The following ITGA3 variants were observed in gnomAD, a reference collection of about 807,000 sequenced individuals.
ITGA3 encodes integrin alpha-3.
In ITGA3, 70 loss-of-function variants were observed where a neutral mutation model predicts 131.1. The observed-to-expected ratio is 0.53, with a 90% CI of 0.44 to 0.65. ITGA3 has a LOEUF of 0.65. Among genes scored for constraint, ITGA3 ranks in the 30% least tolerant of loss-of-function variants. The probability of loss-of-function intolerance (pLI) is 0.00; values close to 1 mark genes in which losing one functional copy is unlikely to be tolerated. For missense variants in ITGA3, 1,098 were observed against 1,388.6 expected, an observed-to-expected ratio of 0.79 and a Z score of 3.33; for synonymous variants, 537 against 571.6, an observed-to-expected ratio of 0.94 and a Z score of 0.86.
intron 7 of ITGA3, among the ~76,000 whole-genome samples, chr17:50,073,267 G>A (rs1908708836): frequency 6.6e-6 from 1 of 152,216 alleles, no homozygotes; most frequent in South Asian, 2.1e-4. Context: ...TTTCAGTGAA[G>A]TTCACTGTAG....
chr17:50,075,575 G>A (rs1908844746), intron 11 of ITGA3, 24 bp from the exon 12 acceptor site: 2 of 1,614,146 alleles, frequency 1.2e-6, no homozygotes, highest in African/African-American at 2.7e-5. Context: ...CTGTCCCCTT[G>A]CTGACCACCC....
intron 7 of ITGA3, among the ~76,000 whole-genome samples, chr17:50,073,118 T>A (rs569704282): frequency 6.6e-6 from 1 of 152,334 alleles, no homozygotes; most frequent in South Asian, 2.1e-4. Flanking sequence ...CAGGCCTTAC[T>A]AACAAGCTTG....
In ITGA3 at chr17:50,079,236, A is replaced by C; in HGVS notation, c.2561A>C (p.Asn854Thr). Residue 854 changes from asparagine to threonine, a missense_variant, in exon 20 of 26, where the codon AAC (asparagine) becomes ACC (threonine). By Grantham distance (65) the Asn-to-Thr change is moderately conservative (BLOSUM62 0). This residue lies in a region of ITGA3 where 699 missense variants were observed against 829.2 expected (regional missense o/e 0.84). Transcript: ENST00000320031. ...WPCRPPGDLINPLNLTLSDPG... is the reference protein window; with the variant it reads ...WPCRPPGDLITPLNLTLSDPG... ...TGCCGACCACCTGGAGACCTTATCA[A>C]CCCTCTCAACCTCACTCTTTCTGTA... 2 of 1,613,810 alleles carry C rather than the reference A, an allele frequency of 1.2e-6. No individual in the cohort carries two copies. Among genetic ancestry groups the C allele is most frequent in the East Asian group, 4.5e-5 (2 of 44,842 alleles).
At chr17:50,085,821 T>G (rs1909367265) in intron 23 of ITGA3, among the ~76,000 whole-genome samples, 1 of 131,464 alleles carries the variant, frequency 7.6e-6, no homozygotes, top group Non-Finnish European at 1.6e-5. Flanking sequence ...AGATTTATAA[T>G]GTATATTAGA....
In ITGA3 at chr17:50,075,501, G is replaced by T. The variant is rs1908840279; in HGVS notation, c.1512G>T (p.Gly504=). The stretch of plus-strand genomic sequence containing the variant: ...GCTTTGCTTACAACCAGAGTGCCGG[G>T]AACCCCAACTACAGGCGAAACATCA... ...ELCFAYNQSA[G]NPNYRRNITL... is the part of the protein sequence containing the mutation. The change falls in exon 11 of 26, where the codon GGG becomes GGT. Residue 504 remains glycine, a synonymous_variant. Transcript: ENST00000320031. 1.2e-6 allele frequency: 2 copies of T among 1,614,124 alleles called. No individual in the cohort carries two copies. The highest frequency in any genetic ancestry group is 1.7e-6 in the Non-Finnish European group (2 of 1,180,058).
At chr17:50,087,161 T>C (rs926779486) in intron 23 of ITGA3, 1 of 152,208 alleles carries the variant, frequency 6.6e-6, no homozygotes, top group African/African-American at 2.4e-5. Context: ...GTGTAGCAGG[T>C]GTTGCTCTAA....
At chr17:50,068,505 TTTG>T (rs1908442094) in intron 4 of ITGA3, among the ~76,000 whole-genome samples, 200 bp downstream of exon 4, 1 of 152,162 alleles carries the variant, frequency 6.6e-6, no homozygotes, top group South Asian at 2.1e-4. Flanking sequence ...ATCAATCTTT[TTTG>T]TTGTTTTTTT....
chr17:50,084,963 A>G (rs1364554638), intron 23 of ITGA3, among the ~76,000 whole-genome samples: 1 of 152,180 alleles, frequency 6.6e-6, no homozygotes, highest in East Asian at 1.9e-4. Flanking sequence ...CTGTAATCCC[A>G]GCACTTTGGG....
chr17:50,082,682 A>G (rs981309510), intron 23 of ITGA3, among the ~76,000 whole-genome samples: 6 of 151,906 alleles, frequency 3.9e-5, no homozygotes, highest in African/African-American at 1.5e-4. Flanking sequence ...AAATACCCAA[A>G]CCCCCTAGGT....
intron 23 of ITGA3, among the ~76,000 whole-genome samples, chr17:50,085,530 G>A (rs577960316): frequency 6.3e-4 from 96 of 151,676 alleles, no homozygotes; most frequent in Non-Finnish European, 7.2e-4. Context: ...TGGTTGTGGT[G>A]GTGGGCACCT....
In ITGA3 at chr17:50,075,673, G is replaced by A. The variant is rs1317442183; in HGVS notation, c.1612G>A (p.Val538Ile). The A allele has an allele frequency of 5.0e-6, 8 of 1,614,208 alleles. No homozygotes were observed. Among genetic ancestry groups the A allele is most frequent in the Non-Finnish European group, 6.8e-6 (8 of 1,180,038 alleles). The stretch of plus-strand genomic sequence containing the variant: ...CCGCTTTGCCGGCAGTGAGTCCGCT[G>A]TCTTCCACGGCTTCTTCTCCATGCC... ...RLRFAGSESAVFHGFFSMPEM... is the reference protein window; with the variant it reads ...RLRFAGSESAIFHGFFSMPEM... The change falls in exon 12 of 26, where the codon GTC becomes ATC. Residue 538 changes from valine to isoleucine, a missense_variant. Physicochemically the swap from Val to Ile is conservative, Grantham distance 29. Around this residue, in one of 3 missense-constraint regions of ITGA3, gnomAD observed 699 missense variants for 829.2 expected, o/e 0.84. Coordinates refer to ENST00000320031, the MANE Select transcript of ITGA3 (RefSeq NM_002204.4).
At chr17:50,087,421 G>A in intron 23 of ITGA3, 1 of 268,122 alleles carries the variant, frequency 3.7e-6, no homozygotes, top group South Asian at 1.5e-4. Context: ...GATTCAGAGG[G>A]GTGCAATTAC....
chr17:50,063,996 T>C (rs1350403994), intron 1 of ITGA3, 81 bp from the exon 2 acceptor site: 1 of 1,544,512 alleles, frequency 6.5e-7, no homozygotes, highest in African/African-American at 1.4e-5. Context: ...AATCTGTAAA[T>C]GTATGTTGAA....
chr17:50,063,904 T>A (rs1598181123), intron 1 of ITGA3, 173 bp from the exon 2 acceptor site: 1 of 842,880 alleles, frequency 1.2e-6, no homozygotes, highest in South Asian at 1.8e-5. Context: ...GGCACTTCCT[T>A]CTAGTGTCTT....
intron 10 of ITGA3, among the ~76,000 whole-genome samples, chr17:50,074,802 G>T (rs1467964412): frequency 6.6e-6 from 1 of 152,232 alleles, no homozygotes; most frequent in Non-Finnish European, 1.5e-5. Flanking sequence ...CAGTGCAGGG[G>T]TGGGGATGGG....
At chr17:50,074,557 C>CTCCTCATT (rs1908793331) in intron 10 of ITGA3, 23 bp downstream of exon 10, 1 of 1,542,712 alleles carries the variant, frequency 6.5e-7, no homozygotes, top group Admixed American at 1.7e-5. Flanking sequence ...TGCCCACCTA[C>CTCCTCATT]TCCTCATTTA....
In ITGA3 at chr17:50,072,187, G is replaced by A. The variant is rs1353288808; in HGVS notation, c.1156+5G>A. The A allele has an allele frequency of 6.2e-7, 1 of 1,609,754 alleles. No homozygotes were observed. The highest frequency in any genetic ancestry group is 8.5e-7 in the Non-Finnish European group (1 of 1,177,582). ...TCAACCAGGATGGATTTCAGGGTAT[G>A]AGCCAGCACTCCTCCCCCAGCACCC... On this transcript the variant is annotated splice_donor_5th_base_variant and intron_variant, in intron 7 of 25. Transcript: ENST00000320031.
chr17:50,059,973 G>A (rs1383038815), intron 1 of ITGA3, among the ~76,000 whole-genome samples: 4 of 152,152 alleles, frequency 2.6e-5, no homozygotes, highest in Non-Finnish European at 4.4e-5. Flanking sequence ...GGGGAGAGGG[G>A]GCTGGGTGGG....
At chr17:50,078,791 C>G in intron 18 of ITGA3, 33 bp from the exon 19 acceptor site, 1 of 1,345,720 alleles carries the variant, frequency 7.4e-7, no homozygotes. Flanking sequence ...GGTCTCTTGT[C>G]CCCCGTGACT....
Sources: gnomAD v4.1 joint callset for allele counts (sites outside exome capture counted in the v4.1 genomes callset) on GRCh38, gnomAD v4.1.1 for gene constraint, gnomAD v4.1.1 regional missense constraint, MANE v1.5 for transcripts, NCBI Gene and HGNC (gene_info 2026-07-23, HGNC 2026-07-21) for gene names.